Variants in ADARB1 observed in about 807,000 individuals in gnomAD.
ADARB1 encodes the protein double-stranded RNA-specific editase 1.
In ADARB1, 10 loss-of-function variants were observed where a neutral mutation model predicts 52.4. That is an observed-to-expected ratio of 0.19 (90% CI 0.12 to 0.32). The LOEUF (loss-of-function observed/expected upper bound fraction) is 0.32. Ranked by LOEUF, ADARB1 falls within the 10% of genes least tolerant of loss-of-function variation. The pLI, the probability that ADARB1 is intolerant of heterozygous loss-of-function variation, is 1.00. For synonymous variants in ADARB1, 349 were observed against 371.1 expected (o/e 0.94, Z 0.68); for missense variants, 643 against 922.3 (o/e 0.70, Z 3.92).
In ADARB1 at chr21:45,192,608, G is replaced by A. The variant is rs551068701; in HGVS notation, c.1565+7517G>A. ...CCGGGCTATAAGAAGCTGCCCCTCCGTGTAGAGAGGCCCTGGAAGATGAGA... is the reference window on the plus strand; with the variant it reads ...CCGGGCTATAAGAAGCTGCCCCTCCATGTAGAGAGGCCCTGGAAGATGAGA... On this transcript the variant is annotated intron_variant, in intron 8 of 10. Transcript: ENST00000348831. 2.2e-4 allele frequency among the ~76,000 whole-genome samples: 33 copies of A among 152,246 alleles called. No individual in the cohort carries two copies. The South Asian group carries it at 6.4e-3, about 30-fold the overall frequency.
intron 9 of ADARB1, among the ~76,000 whole-genome samples, chr21:45,209,434 GT>G (rs1482733609): frequency 7.9e-5 from 12 of 152,174 alleles, no homozygotes; most frequent in Admixed American, 7.9e-4. Context: ...TGATTTCTTG[GT>G]TGGTTGTTTT....
chr21:45,193,081 T>G (rs1414802530), intron 8 of ADARB1, among the ~76,000 whole-genome samples: 1 of 152,170 alleles, frequency 6.6e-6, no homozygotes, highest in African/African-American at 2.4e-5. Context: ...ACTTCCCAAC[T>G]CATTCTGTGA....
chr21:45,170,356 G>A (rs1298901141), intron 2 of ADARB1, among the ~76,000 whole-genome samples: 6 of 152,192 alleles, frequency 3.9e-5, no homozygotes. Flanking sequence ...TCTGATTTAG[G>A]TTCTTGTATC....
At chr21:45,107,766 C>G (rs1213431440) in intron 1 of ADARB1, among the ~76,000 whole-genome samples, 3 of 152,158 alleles carry the variant, frequency 2.0e-5, no homozygotes, top group Non-Finnish European at 4.4e-5. Context: ...TTGAATATTA[C>G]CTATGTGTTG....
chr21:45,178,073 C>G (rs371806769), intron 4 of ADARB1, among the ~76,000 whole-genome samples: 259 of 152,098 alleles, frequency 1.7e-3, no homozygotes, highest in African/African-American at 5.8e-3. Context: ...ACTTGTCTTC[C>G]CTTAATATTG....
chr21:45,172,031 C>T lies in ADARB1; in HGVS notation c.28+347C>T, dbSNP rs981936697. On this transcript the variant is annotated intron_variant, in intron 3 of 10. Coordinates refer to ENST00000348831, the MANE Select transcript of ADARB1 (RefSeq NM_001112.4). The surrounding 1 kb of genome is among the most constrained non-coding windows in gnomAD (Gnocchi z 4.4). ...ATTCACACATACAAATCGAAGATAA[C>T]GTCTGAGATTGATTTAAATACCCAG... Among the ~76,000 whole-genome samples the T allele has an allele frequency of 1.3e-5, 2 of 152,080 alleles. No individual in the cohort carries two copies. The highest frequency in any genetic ancestry group is 2.4e-5 in the African/African-American group (1 of 41,398).
chr21:45,117,015 A>G (rs556937882), intron 1 of ADARB1: 83 of 152,302 alleles, frequency 5.4e-4, no homozygotes, highest in African/African-American at 1.9e-3. Context: ...AAATTAGCAG[A>G]TGACACTGGC....
At chr21:45,178,239 G>A (rs2146173032) in intron 4 of ADARB1, among the ~76,000 whole-genome samples, 1 of 152,270 alleles carries the variant, frequency 6.6e-6, no homozygotes, top group East Asian at 1.9e-4. Context: ...CTGTGCGCCT[G>A]CAGTGACTTC....
intron 1 of ADARB1, among the ~76,000 whole-genome samples, chr21:45,117,773 C>T (rs2087914484): frequency 1.3e-5 from 2 of 152,124 alleles, no homozygotes; most frequent in South Asian, 4.1e-4. Context: ...GTAAAAAACA[C>T]ATTGCAGCTC....
chr21:45,153,085 A>G (rs2090382160), intron 2 of ADARB1, among the ~76,000 whole-genome samples: 1 of 152,252 alleles, frequency 6.6e-6, no homozygotes, highest in African/African-American at 2.4e-5. Flanking sequence ...ACTTTTCTAC[A>G]TTAAAACTGT....
At position 45,224,794 on chromosome 21, in the gene ADARB1, T is replaced by C; in HGVS notation, c.*2597T>C. 3.0e-6 allele frequency: 3 copies of C among 983,854 alleles called. No individual in the cohort carries two copies. Among genetic ancestry groups the C allele is most frequent in the Non-Finnish European group, 3.6e-6 (3 of 829,434 alleles). 60.9% of individuals were successfully genotyped at this position (983,854 alleles called of 1,614,324 possible). A position where few individuals can be genotyped will look rare whatever the true frequency, so the allele number is the denominator to read the frequency against. Reference sequence around the variant, plus strand: ...GGCTCTGCACTGCTCCTAGGACAGCTCATCTGTAATCAGAAAAAAAATAAA... The same window carrying C: ...GGCTCTGCACTGCTCCTAGGACAGCCCATCTGTAATCAGAAAAAAAATAAA... On this transcript the variant is annotated 3_prime_UTR_variant, in exon 11 of 11. Transcript: ENST00000348831.
intron 8 of ADARB1, among the ~76,000 whole-genome samples, chr21:45,197,499 CAAA>C (rs58085027): frequency 2.6e-5 from 3 of 113,680 alleles, no homozygotes; most frequent in Non-Finnish European, 2.0e-5. Flanking sequence ...GACTCTGTCT[CAAA>C]AAAAAAAAAA....
At chr21:45,112,353 A>G (rs2145758834) in intron 1 of ADARB1, among the ~76,000 whole-genome samples, 1 of 152,304 alleles carries the variant, frequency 6.6e-6, no homozygotes, top group East Asian at 1.9e-4. Context: ...CAGGGACTTC[A>G]TATCTGCTAT....
intron 8 of ADARB1, among the ~76,000 whole-genome samples, chr21:45,202,969 C>T (rs1308572496): frequency 1.3e-5 from 2 of 148,590 alleles, no homozygotes; most frequent in African/African-American, 5.0e-5. Flanking sequence ...CCCTTGCAGC[C>T]TGTGCCACAC....
chr21:45,109,308 G>A (rs1411835076), intron 1 of ADARB1, among the ~76,000 whole-genome samples: 2 of 151,928 alleles, frequency 1.3e-5, no homozygotes, highest in Non-Finnish European at 2.9e-5. Flanking sequence ...GTGTGTGCAC[G>A]TGTGTGCGCG....
At chr21:45,203,603 G>A (rs988166104) in intron 8 of ADARB1, among the ~76,000 whole-genome samples, 3 of 152,194 alleles carry the variant, frequency 2.0e-5, no homozygotes, top group Non-Finnish European at 4.4e-5. Context: ...GCATGTGTGT[G>A]TTGGAGCTGA....
At position 45,193,968 on chromosome 21, in the gene ADARB1, G is replaced by A. The variant is rs377414614; in HGVS notation, c.1565+8877G>A. On this transcript the variant is annotated intron_variant, in intron 8 of 10. Coordinates refer to ENST00000348831, the MANE Select transcript of ADARB1 (RefSeq NM_001112.4). ...CTCAACAGGATTTTTTGGAGAAATT[G>A]ACAAACTGATTCCAAAATCCATATG... is the stretch of plus-strand genomic sequence containing the variant. 5.9e-5 allele frequency among the ~76,000 whole-genome samples: 9 copies of A among 152,274 alleles called. No homozygotes were observed. The East Asian group carries it at 1.7e-3, about 29-fold the overall frequency.
chr21:45,215,387 AT>A lies in ADARB1; in HGVS notation c.1748-5439del, dbSNP rs368317847. 2.7e-3 allele frequency among the ~76,000 whole-genome samples: 411 copies of A among 149,876 alleles called. 5 individuals are homozygous for A. Among genetic ancestry groups the A allele is most frequent in the South Asian group, 4.3e-3 (20 of 4,698 alleles). On this transcript the variant is annotated intron_variant, in intron 9 of 10. Coordinates refer to ENST00000348831, the MANE Select transcript of ADARB1 (RefSeq NM_001112.4). ...ACAGATGTCTTTATCAGCTCAAGACATTTTTTTTTTCTATTTATAGCTTACT... is the reference window on the plus strand; with the variant it reads ...ACAGATGTCTTTATCAGCTCAAGACATTTTTTTTTCTATTTATAGCTTACT...
At chr21:45,115,625 T>C (rs2087784715) in intron 1 of ADARB1, among the ~76,000 whole-genome samples, 4 of 152,278 alleles carry the variant, frequency 2.6e-5, no homozygotes, top group African/African-American at 9.6e-5. Flanking sequence ...AAAGGATGTT[T>C]ACTATGTAAA....
Sources: gnomAD v4.1 joint callset for allele counts (sites outside exome capture counted in the v4.1 genomes callset) on GRCh38, gnomAD v4.1.1 for gene constraint, Gnocchi (gnomAD v3.1) non-coding constraint, MANE v1.5 for transcripts, NCBI Gene and HGNC (gene_info 2026-07-23, HGNC 2026-07-21) for gene names.